The following ITPR1 variants were observed in gnomAD, a reference collection of about 807,000 sequenced individuals.
ITPR1 encodes the protein inositol 1,4,5-trisphosphate receptor type 1.
A neutral mutation model predicts 318.4 loss-of-function variants in ITPR1; 96 were observed. That is an observed-to-expected ratio of 0.30 (90% CI 0.26 to 0.36). The LOEUF (loss-of-function observed/expected upper bound fraction) is 0.36. Ranked by LOEUF, ITPR1 falls within the 10% of genes least tolerant of loss-of-function variation. The pLI, the probability that ITPR1 is intolerant of heterozygous loss-of-function variation, is 1.00. For synonymous variants in ITPR1, 1,312 were observed against 1,289.9 expected (o/e 1.02, Z -0.37); for missense variants, 2,440 against 3,460.2 (o/e 0.71, Z 7.40).
At chr3:4,543,863 A>C (rs886951763) in intron 4 of ITPR1, among the ~76,000 whole-genome samples, 2 of 152,224 alleles carry the variant, frequency 1.3e-5, no homozygotes, top group African/African-American at 4.8e-5. Context: ...GCAATATCTT[A>C]TGTAGTGAAA....
At chr3:4,576,390 G>A (rs1445075531) in intron 4 of ITPR1, among the ~76,000 whole-genome samples, 1 of 152,194 alleles carries the variant, frequency 6.6e-6, no homozygotes, top group East Asian at 1.9e-4. Context: ...GGTCTGAGGT[G>A]AGGCCTTGGG....
chr3:4,779,246 C>A lies in ITPR1; in HGVS notation c.6292-304C>A, dbSNP rs750731321. On this transcript the variant is annotated intron_variant, in intron 48 of 61. Coordinates refer to ENST00000649015, the MANE Select transcript of ITPR1 (RefSeq NM_001378452.1). This position sits in a 1 kb window ranked among gnomAD's most constrained non-coding sequence, Gnocchi z 4.0. ...GTGACAGTGTATCCGTAAGCACCCA[C>A]GTGTAAATTCCCAATTTCTTCTAGG... Among the ~76,000 whole-genome samples, 1 of 152,244 alleles carries A rather than the reference C, an allele frequency of 6.6e-6. No individual in the cohort carries two copies. The highest frequency in any genetic ancestry group is 1.5e-5 in the Non-Finnish European group (1 of 68,040).
intron 17 of ITPR1, 50 bp from the exon 18 acceptor site, chr3:4,667,327 A>G (rs745462450): frequency 7.1e-6 from 10 of 1,415,372 alleles, no homozygotes; most frequent in African/African-American, 2.9e-5. Flanking sequence ...ACGCTTAACC[A>G]TATTGTCATT....
intron 60 of ITPR1, among the ~76,000 whole-genome samples, chr3:4,823,882 T>TG (rs1168775258): frequency 6.6e-6 from 1 of 152,166 alleles, no homozygotes; most frequent in Non-Finnish European, 1.5e-5. Context: ...TTTGTACAAA[T>TG]GAAAAAAATA....
intron 48 of ITPR1, 113 bp downstream of exon 48, chr3:4,777,487 C>T: frequency 1.5e-6 from 1 of 669,126 alleles, no homozygotes; most frequent in Non-Finnish European, 2.7e-6. Context: ...AAAGATAGTT[C>T]TTTAAATGAA....
intron 39 of ITPR1, among the ~76,000 whole-genome samples, chr3:4,712,305 C>T (rs2041434464): frequency 6.6e-6 from 1 of 152,062 alleles, no homozygotes; most frequent in Non-Finnish European, 1.5e-5. Flanking sequence ...CCACTTCTAA[C>T]TGCAATTAAG....
intron 4 of ITPR1, among the ~76,000 whole-genome samples, chr3:4,544,599 G>T (rs111711346): frequency 2.8e-4 from 42 of 152,196 alleles, no homozygotes; most frequent in African/African-American, 9.4e-4. Flanking sequence ...AGTGGGGCTA[G>T]GTAAAGAAAA....
intron 44 of ITPR1, among the ~76,000 whole-genome samples, chr3:4,742,499 A>C (rs1374100452): frequency 1.3e-5 from 2 of 152,206 alleles, no homozygotes; most frequent in African/African-American, 4.8e-5. Context: ...CTTGGAGAAT[A>C]GGATGGTGAC....
chr3:4,599,110 G>T (rs1425596874), intron 4 of ITPR1, among the ~76,000 whole-genome samples: 1 of 151,992 alleles, frequency 6.6e-6, no homozygotes, highest in Non-Finnish European at 1.5e-5. Flanking sequence ...CTTACTGAGG[G>T]TTTCCTATGG....
chr3:4,844,859 T>C (rs1186309792), intron 61 of ITPR1, among the ~76,000 whole-genome samples: 2 of 152,216 alleles, frequency 1.3e-5, no homozygotes, highest in Admixed American at 6.5e-5. Flanking sequence ...AATAGTATTT[T>C]GATTTGAGAG....
At chr3:4,580,730 C>T (rs551207720) in intron 4 of ITPR1, among the ~76,000 whole-genome samples, 1 of 152,310 alleles carries the variant, frequency 6.6e-6, no homozygotes, top group African/African-American at 2.4e-5. Flanking sequence ...AACAGATCCT[C>T]AGTGAGCAAG....
At chr3:4,556,626 C>G (rs1183842411) in intron 4 of ITPR1, among the ~76,000 whole-genome samples, 3 of 151,994 alleles carry the variant, frequency 2.0e-5, no homozygotes, top group African/African-American at 7.3e-5. Flanking sequence ...TCCTCCATGT[C>G]TTTTCATGGC....
At chr3:4,688,672 A>T (rs1015416630) in intron 31 of ITPR1, 52 bp downstream of exon 31, 2 of 1,570,110 alleles carry the variant, frequency 1.3e-6, no homozygotes, top group Middle Eastern at 3.4e-4. Flanking sequence ...GGCAGGGAAG[A>T]GGGAGGAGGA....
At position 4,523,329 on chromosome 3, in the gene ITPR1, A is replaced by T. The variant is rs548638031; in HGVS notation, c.163+2235A>T. ...ATTTAAAATTTTGTTTTTTAAATCG[A>T]CATATATTTATGGTGTACAACATGA... On this transcript the variant is annotated intron_variant, in intron 4 of 61. Coordinates refer to ENST00000649015, the MANE Select transcript of ITPR1 (RefSeq NM_001378452.1). Among the ~76,000 whole-genome samples the T allele has an allele frequency of 2.6e-5, 4 of 152,306 alleles. No homozygotes were observed. In the East Asian group the frequency reaches 7.7e-4, roughly 29 times the overall value.
chr3:4,578,063 C>T (rs1256204549), intron 4 of ITPR1, among the ~76,000 whole-genome samples: 1 of 152,178 alleles, frequency 6.6e-6, no homozygotes, highest in East Asian at 1.9e-4. Flanking sequence ...GAAATATTAG[C>T]CCTTCCAGCT....
chr3:4,527,578 C>G (rs2083084001), intron 4 of ITPR1, among the ~76,000 whole-genome samples: 1 of 152,158 alleles, frequency 6.6e-6, no homozygotes, highest in Non-Finnish European at 1.5e-5. Context: ...AGGGTCTGGC[C>G]TGGGGCAGTA....
intron 44 of ITPR1, among the ~76,000 whole-genome samples, chr3:4,765,046 A>T (rs959151043): frequency 6.7e-6 from 1 of 149,658 alleles, no homozygotes; most frequent in African/African-American, 2.5e-5. Flanking sequence ...GGATGGATGG[A>T]TGAAATAGCA....
chr3:4,828,215 TGTTGTATAAAA>T lies in ITPR1; in HGVS notation c.8029-8556_8029-8546del, dbSNP rs1421303926. On this transcript the variant is annotated intron_variant, in intron 60 of 61. Transcript: ENST00000649015. ...TAGGCTTAAAACAAACACAATGCAT[TGTTGTATAAAA>T]GTAGTAATGGATCAAAGTTGAATAC... 3.9e-5 allele frequency among the ~76,000 whole-genome samples: 6 copies of T among 152,148 alleles called. 1 individual carries two copies. In the East Asian group the frequency reaches 9.6e-4, roughly 24 times the overall value.
At chr3:4,559,712 T>C (rs1326560033) in intron 4 of ITPR1, among the ~76,000 whole-genome samples, 1 of 152,196 alleles carries the variant, frequency 6.6e-6, no homozygotes, top group Non-Finnish European at 1.5e-5. Flanking sequence ...TTATTAAGTG[T>C]TTTAAATTAT....
Sources: gnomAD v4.1 joint callset for allele counts (sites outside exome capture counted in the v4.1 genomes callset) on GRCh38, gnomAD v4.1.1 for gene constraint, Gnocchi (gnomAD v3.1) non-coding constraint, MANE v1.5 for transcripts, NCBI Gene and HGNC (gene_info 2026-07-23, HGNC 2026-07-21) for gene names.